The following ZFHX4 variants were observed in gnomAD, a reference collection of about 807,000 sequenced individuals.
ZFHX4 encodes the protein zinc finger homeobox protein 4.
Under a neutral mutation model 267.6 loss-of-function variants are expected in ZFHX4, and 56 were observed. That is an observed-to-expected ratio of 0.21 (90% CI 0.17 to 0.26). ZFHX4 has a LOEUF of 0.26. ZFHX4 is among the 10% of genes least tolerant of loss of function. The pLI is 1.00. For synonymous variants in ZFHX4, 1,778 were observed against 1,665.6 expected (o/e 1.07, Z -1.64); for missense variants, 4,332 against 4,420.0 (o/e 0.98, Z 0.56).
At chr8:76,799,693 T>A (rs983082489) in intron 4 of ZFHX4, among the ~76,000 whole-genome samples, 10 of 152,166 alleles carry the variant, frequency 6.6e-5, no homozygotes, top group African/African-American at 2.2e-4. Context: ...TTTATCTCAC[T>A]CTCTCTTTCC....
rs1245922595 is a variant in ZFHX4 at position 76,852,420 on chromosome 8, A to G, written c.5499A>G (p.Leu1833=). The G allele has an allele frequency of 1.3e-6, 2 of 1,557,522 alleles. No homozygotes were observed. Among genetic ancestry groups the G allele is most frequent in the African/African-American group, 2.7e-5 (2 of 73,382 alleles). ...QQQQQQQASK[L]LKQEQSNIVS... is the part of the protein sequence containing the mutation. ...AGCAGCAACAGCAGGCAAGCAAATT[A>G]TTGAAACAAGAGCAAAGTAACATAG... Residue 1833 remains leucine, a synonymous_variant, in exon 10 of 11, where the codon TTA becomes TTG. Coordinates refer to ENST00000651372, the MANE Select transcript of ZFHX4 (RefSeq NM_024721.5).
intron 4 of ZFHX4, among the ~76,000 whole-genome samples, chr8:76,795,770 C>G (rs980329671): frequency 1.2e-4 from 18 of 152,190 alleles, no homozygotes; most frequent in African/African-American, 4.3e-4. Context: ...CTCCTGACCT[C>G]AGGTGATCCG....
At chr8:76,718,265 A>C (rs970856727) in intron 3 of ZFHX4, among the ~76,000 whole-genome samples, 3 of 152,184 alleles carry the variant, frequency 2.0e-5, no homozygotes, top group Admixed American at 6.5e-5. Context: ...TGCCTTTTAG[A>C]ATTTATTTTA....
At chr8:76,856,715 A>G (rs1004337579) in intron 10 of ZFHX4, among the ~76,000 whole-genome samples, 1 of 152,168 alleles carries the variant, frequency 6.6e-6, no homozygotes, top group African/African-American at 2.4e-5. Flanking sequence ...GTTCTTTCCA[A>G]GGGATGGGGT....
chr8:76,815,599 T>G (rs1443345920), intron 4 of ZFHX4, among the ~76,000 whole-genome samples: 1 of 152,170 alleles, frequency 6.6e-6, no homozygotes, highest in Admixed American at 6.5e-5. Context: ...AATCCTGGGC[T>G]CAAGTGATCC....
intron 4 of ZFHX4, 27 bp from the exon 5 acceptor site, chr8:76,833,311 T>C: frequency 6.3e-7 from 1 of 1,599,652 alleles, no homozygotes; most frequent in Non-Finnish European, 8.5e-7. Context: ...GCATGCTGAT[T>C]ACCTTTCACT....
chr8:76,736,299 G>A (rs761365380), intron 3 of ZFHX4, among the ~76,000 whole-genome samples: 7 of 151,776 alleles, frequency 4.6e-5, no homozygotes, highest in Non-Finnish European at 8.8e-5. Context: ...AGATAAACTT[G>A]TGTTTTGAAT....
intron 4 of ZFHX4, among the ~76,000 whole-genome samples, chr8:76,784,071 ATC>A (rs1309800142): frequency 1.3e-5 from 2 of 151,978 alleles, no homozygotes; most frequent in Non-Finnish European, 2.9e-5. Context: ...GTGCAGGAGT[ATC>A]TTTTTCTAGA....
chr8:76,726,574 T>C (rs929553432), intron 3 of ZFHX4, among the ~76,000 whole-genome samples: 1 of 152,204 alleles, frequency 6.6e-6, no homozygotes, highest in African/African-American at 2.4e-5. Flanking sequence ...TGCCTGAGCA[T>C]TTAAATGACT....
At chr8:76,690,288 C>A (rs528963165) in intron 1 of ZFHX4, among the ~76,000 whole-genome samples, 4 of 152,152 alleles carry the variant, frequency 2.6e-5, no homozygotes, top group South Asian at 4.1e-4. Flanking sequence ...CCATAAAATT[C>A]TTTTCCTTCA....
chr8:76,750,776 C>T (rs116793911), intron 3 of ZFHX4, among the ~76,000 whole-genome samples: 346 of 152,186 alleles, frequency 2.3e-3, no homozygotes, highest in African/African-American at 7.9e-3. Flanking sequence ...TACTGGGGCT[C>T]AAACCCAGGA....
intron 3 of ZFHX4, among the ~76,000 whole-genome samples, chr8:76,770,599 G>A (rs1810237438): frequency 1.3e-5 from 2 of 152,114 alleles, no homozygotes; most frequent in South Asian, 2.1e-4. Context: ...TCCAGTCTGG[G>A]AGAGAATGCA....
chr8:76,760,788 GC>G (rs1338065444), intron 3 of ZFHX4, among the ~76,000 whole-genome samples: 1 of 151,832 alleles, frequency 6.6e-6, no homozygotes, highest in African/African-American at 2.4e-5. Context: ...AATTAGCTGG[GC>G]ATAGTGGCAC....
At chr8:76,806,691 T>C (rs1318069979) in intron 4 of ZFHX4, among the ~76,000 whole-genome samples, 1 of 152,124 alleles carries the variant, frequency 6.6e-6, no homozygotes, top group Admixed American at 6.6e-5. Flanking sequence ...AATCTTAAAA[T>C]ATATAAATTT....
At chr8:76,759,998 A>G (rs1036394027) in intron 3 of ZFHX4, among the ~76,000 whole-genome samples, 3 of 152,202 alleles carry the variant, frequency 2.0e-5, no homozygotes, top group African/African-American at 7.2e-5. Context: ...AGATATGGTC[A>G]TTCAGTGCCT....
Position 76,854,811 on chromosome 8 carries a change from T to C in ZFHX4, c.7890T>C (p.Pro2630=). Residue 2630 remains proline (P), a synonymous_variant, in exon 10 of 11, where the codon CCT becomes CCC. Transcript: ENST00000651372. The part of the protein sequence containing the change: ...LYEKYLLDSN[P]TRKMLDHIAR... ...AAAAATACTTGCTGGATTCCAATCC[T>C]ACCAGAAAAATGCTTGATCATATTG... The C allele has an allele frequency of 6.2e-7, 1 of 1,611,212 alleles. No homozygotes were observed. The highest frequency in any genetic ancestry group is 8.5e-7 in the Non-Finnish European group (1 of 1,179,032).
intron 4 of ZFHX4, among the ~76,000 whole-genome samples, chr8:76,791,518 AAC>A (rs1350915425): frequency 6.6e-6 from 1 of 152,180 alleles, no homozygotes; most frequent in Admixed American, 6.5e-5. Context: ...CAAATTTGAG[AAC>A]ATATTTTTAT....
At chr8:76,840,737 G>A (rs149227528) in intron 5 of ZFHX4, among the ~76,000 whole-genome samples, 219 of 152,226 alleles carry the variant, frequency 1.4e-3, no homozygotes, top group Non-Finnish European at 2.2e-3. Flanking sequence ...TCCCTTCCCC[G>A]GGATGAGTTG....
intron 1 of ZFHX4, among the ~76,000 whole-genome samples, chr8:76,687,338 TTG>T (rs2131578071): frequency 6.6e-6 from 1 of 152,326 alleles, no homozygotes; most frequent in East Asian, 1.9e-4. Flanking sequence ...CATGTTTCCC[TTG>T]TGTGAGAATT....
Sources: gnomAD v4.1 joint callset for allele counts (sites outside exome capture counted in the v4.1 genomes callset) on GRCh38, gnomAD v4.1.1 for gene constraint, MANE v1.5 for transcripts, NCBI Gene and HGNC (gene_info 2026-07-23, HGNC 2026-07-21) for gene names.